Variants in DYNLRB2 observed in about 807,000 individuals in gnomAD.
DYNLRB2 encodes the protein dynein light chain roadblock-type 2, also known as bithoraxoid-like protein.
Under a neutral mutation model 12.6 loss-of-function variants are expected in DYNLRB2, and 14 were observed. The ratio of observed to expected loss-of-function variants is 1.11; its 90% confidence interval spans 0.73 to 1.73. The LOEUF (loss-of-function observed/expected upper bound fraction) is 1.73. Among genes scored for constraint, DYNLRB2 ranks in the 40% most tolerant of loss-of-function variants. The pLI, the probability that DYNLRB2 is intolerant of heterozygous loss-of-function variation, is 0.00. For missense variants in DYNLRB2, 142 were observed against 117.7 expected, an observed-to-expected ratio of 1.21 and a Z score of -0.95; for synonymous variants, 53 against 37.0, an observed-to-expected ratio of 1.43 and a Z score of -1.57.
intron 2 of DYNLRB2, 34 bp downstream of exon 2, chr16:80,543,385 A>G: frequency 6.2e-7 from 1 of 1,609,192 alleles, no homozygotes; most frequent in Non-Finnish European, 8.5e-7. Flanking sequence ...CTTGACACAC[A>G]GAAGCCAACC....
intron 1 of DYNLRB2, 58 bp downstream of exon 1, chr16:80,541,137 C>A (rs1904284652): frequency 2.5e-6 from 4 of 1,571,846 alleles, no homozygotes; most frequent in Non-Finnish European, 3.5e-6. Flanking sequence ...CCGTCAAGGA[C>A]CTTCGCACCC....
In DYNLRB2 at chr16:80,549,641, G is replaced by A; in HGVS notation, c.237G>A (p.Met79Ile). The A allele has an allele frequency of 6.3e-7, 1 of 1,588,396 alleles. No homozygotes were observed. The highest frequency in any genetic ancestry group is 8.6e-7 in the Non-Finnish European group (1 of 1,162,006). Residue 79 changes from methionine (M) to isoleucine (I), a missense_variant, in exon 3 of 4, where the codon ATG becomes ATA. Met to Ile is a conservative substitution (Grantham distance 10, BLOSUM62 1). Transcript: ENST00000305904. ...LRIRSKKHEI[M>I]VAPDKEYLLI... ...TCAGATCAAAGAAACATGAAATCAT[G>A]GTAGCTCCAGGTAATTTGGCATTTC...
At chr16:80,549,158 T>G (rs1416008472) in intron 2 of DYNLRB2, 1 of 369,566 alleles carries the variant, frequency 2.7e-6, no homozygotes, top group Non-Finnish European at 5.3e-6. Flanking sequence ...AATAGGAGAT[T>G]GATTATATGT....
rs1328041801 is a variant in DYNLRB2, at chr16:80,550,549, A to G, written c.282A>G (p.Pro94=). 1.2e-6 allele frequency: 2 copies of G among 1,614,206 alleles called. No homozygotes were observed. The highest frequency in any genetic ancestry group is 3.3e-5 in the Admixed American group (2 of 60,022). The change falls in exon 4 of 4, where the codon CCA becomes CCG. Residue 94 remains proline (P), a synonymous_variant. Coordinates refer to ENST00000305904, the MANE Select transcript of DYNLRB2 (RefSeq NM_130897.3). ...KEYLLIVIQN[P]CE Reference sequence around the variant, plus strand: ...ATCTTCTGATCGTCATTCAGAATCCATGTGAATAGACCTGCGATGGCCAAG... The same window carrying G: ...ATCTTCTGATCGTCATTCAGAATCCGTGTGAATAGACCTGCGATGGCCAAG...
At chr16:80,543,194 G>T in intron 1 of DYNLRB2, 82 bp from the exon 2 acceptor site, 2 of 1,350,026 alleles carry the variant, frequency 1.5e-6, no homozygotes, top group South Asian at 1.2e-5. Context: ...AGGAGAGTAG[G>T]TATCTTGCTA....
chr16:80,548,957 A>C (rs116261075), intron 2 of DYNLRB2: 1 of 456,008 alleles, frequency 2.2e-6, no homozygotes, highest in Admixed American at 2.3e-5. Flanking sequence ...GAAGACTAAC[A>C]CCATGTCACA....
Position 80,541,065 on chromosome 16 carries a change from G to C in DYNLRB2, c.-12G>C, listed in dbSNP as rs374137799. 1.2e-6 allele frequency: 2 copies of C among 1,607,854 alleles called. No individual in the cohort carries two copies. Among genetic ancestry groups the C allele is most frequent in the Admixed American group, 1.7e-5 (1 of 59,638 alleles). On this transcript the variant is annotated 5_prime_UTR_variant, in exon 1 of 4. Transcript: ENST00000305904. ...GCCGCCGGCCTGAGCCCAGAGTTTCGCGGCCTCCGCGATGGTAAATCTGGG... is the reference window on the plus strand; with the variant it reads ...GCCGCCGGCCTGAGCCCAGAGTTTCCCGGCCTCCGCGATGGTAAATCTGGG...
chr16:80,545,850 T>G (rs1597091365), intron 2 of DYNLRB2, among the ~76,000 whole-genome samples: 1 of 1,766 alleles, frequency 5.7e-4, no homozygotes, highest in African/African-American at 1.2e-3. Context: ...TAATTTTTTG[T>G]TTTTTTTTTT....
chr16:80,545,797 T>A (rs1904422987), intron 2 of DYNLRB2, among the ~76,000 whole-genome samples: 1 of 149,212 alleles, frequency 6.7e-6, no homozygotes, highest in Admixed American at 6.7e-5. Flanking sequence ...TGCCTCAGCC[T>A]CCCAAGTAGC....
chr16:80,540,844 G>A, upstream of DYNLRB2: 1 of 748,500 alleles, frequency 1.3e-6, no homozygotes, highest in Non-Finnish European at 2.4e-6. Context: ...CCAGGATTGG[G>A]CGAACCTCAG....
intron 2 of DYNLRB2, among the ~76,000 whole-genome samples, chr16:80,548,462 C>T (rs554747111): frequency 1.3e-5 from 2 of 152,244 alleles, no homozygotes; most frequent in South Asian, 4.1e-4. Flanking sequence ...CATGGTGGCT[C>T]ACGCCTGTAA....
chr16:80,545,732 AT>A (rs2142310145), intron 2 of DYNLRB2, among the ~76,000 whole-genome samples: 1 of 119,592 alleles, frequency 8.4e-6, no homozygotes, highest in Non-Finnish European at 1.6e-5. Context: ...CAGTGGCAGG[AT>A]CTCAGCTCAC....
In DYNLRB2 at chr16:80,543,320, G is replaced by T; in HGVS notation, c.48G>T (p.Gly16=). Residue 16 remains glycine, a synonymous_variant, in exon 2 of 4, where the codon GGG becomes GGT. Coordinates refer to ENST00000305904, the MANE Select transcript of DYNLRB2 (RefSeq NM_130897.3). ...ETLKRIQSHK[G]VIGTMVVNAE... ...TAAAGAGGATCCAGAGTCATAAAGGGGTTATTGGAACTATGGTTGTAAATG... is the reference window on the plus strand; with the variant it reads ...TAAAGAGGATCCAGAGTCATAAAGGTGTTATTGGAACTATGGTTGTAAATG... 1 of 1,613,980 alleles carries T rather than the reference G, an allele frequency of 6.2e-7. No homozygotes were observed. The highest frequency in any genetic ancestry group is 1.1e-5 in the South Asian group (1 of 91,056).
intron 2 of DYNLRB2, 171 bp from the exon 3 acceptor site, chr16:80,549,313 A>G: frequency 3.3e-6 from 2 of 607,884 alleles, no homozygotes; most frequent in Admixed American, 3.3e-5. Context: ...TTAAAAATCT[A>G]CGTAGCGACA....
At chr16:80,545,236 T>A (rs1904376347) in intron 2 of DYNLRB2, among the ~76,000 whole-genome samples, 1 of 152,170 alleles carries the variant, frequency 6.6e-6, no homozygotes, top group Non-Finnish European at 1.5e-5. Flanking sequence ...TAAAGAGTGA[T>A]GAAGAAAATA....
chr16:80,545,041 G>C (rs188705093), intron 2 of DYNLRB2, among the ~76,000 whole-genome samples: 1 of 152,108 alleles, frequency 6.6e-6, no homozygotes, highest in Non-Finnish European at 1.5e-5. Context: ...TGGGGATTTG[G>C]GGGGTCTAGG....
At chr16:80,546,311 C>T (rs1181106795) in intron 2 of DYNLRB2, among the ~76,000 whole-genome samples, 3 of 152,146 alleles carry the variant, frequency 2.0e-5, no homozygotes, top group Non-Finnish European at 2.9e-5. Context: ...AATTTAATAC[C>T]AAAATATTTA....
upstream of DYNLRB2, chr16:80,540,800 C>T (rs1322053875): frequency 1.4e-6 from 1 of 706,062 alleles, no homozygotes; most frequent in South Asian, 1.5e-5. Context: ...GGGAGCCTGA[C>T]CCACTTCCCT....
At chr16:80,542,583 T>C (rs1019954527) in intron 1 of DYNLRB2, among the ~76,000 whole-genome samples, 7 of 152,230 alleles carry the variant, frequency 4.6e-5, no homozygotes, top group African/African-American at 1.7e-4. Context: ...GTTCTTGTCT[T>C]TGAGTTTTCT....
Sources: gnomAD v4.1 joint callset for allele counts (sites outside exome capture counted in the v4.1 genomes callset) on GRCh38, gnomAD v4.1.1 for gene constraint, MANE v1.5 for transcripts, NCBI Gene and HGNC (gene_info 2026-07-23, HGNC 2026-07-21) for gene names.